Variants in CNIH3 observed in about 807,000 individuals in gnomAD.
CNIH3 encodes the protein cornichon family AMPA receptor auxiliary protein 3, also known as protein cornichon homolog 3.
In CNIH3, 14 loss-of-function variants were observed where a neutral mutation model predicts 24.1. That is an observed-to-expected ratio of 0.58 (90% CI 0.38 to 0.91). CNIH3 has a LOEUF of 0.91. Among genes scored for constraint, CNIH3 ranks in the 40% least tolerant of loss-of-function variants. The pLI is 0.00. For synonymous variants in CNIH3, 68 were observed against 73.8 expected, an observed-to-expected ratio of 0.92 and a Z score of 0.40; for missense variants, 178 against 196.8, an observed-to-expected ratio of 0.90 and a Z score of 0.57.
chr1:224,440,665 T>C (rs557786551), intron 1 of CNIH3, among the ~76,000 whole-genome samples: 16 of 152,332 alleles, frequency 1.1e-4, no homozygotes, highest in African/African-American at 3.8e-4. Flanking sequence ...AATTTATGTA[T>C]ATATGCACAT....
chr1:224,739,295 C>CTTTTTTTTTTTTTTTTTTT lies in CNIH3; in HGVS notation c.456-27_456-9dup. The CTTTTTTTTTTTTTTTTTTT allele has an allele frequency of 2.2e-6, 3 of 1,341,928 alleles. 1 individual carries two copies. The highest frequency in any genetic ancestry group is 2.9e-5 in the East Asian group (1 of 34,626). The allele number at this position is 1,341,928 out of a possible 1,614,324, so 83.1% of individuals were successfully genotyped here. ...TGGGCTTCTACTAACACCTTCCTCTCTTTTTTTTTTTTTTTTTTTTTTTTT... is the reference window on the plus strand; with the variant it reads ...TGGGCTTCTACTAACACCTTCCTCTCTTTTTTTTTTTTTTTTTTTTTTTTTTTTTTTTTTTTTTTTTTTT... On this transcript the variant is annotated intron_variant, in intron 5 of 5. Transcript: ENST00000272133.
At chr1:224,652,417 G>A (rs1206769259) in intron 1 of CNIH3, among the ~76,000 whole-genome samples, 1 of 152,144 alleles carries the variant, frequency 6.6e-6, no homozygotes, top group Non-Finnish European at 1.5e-5. Context: ...TAGCGGTAGG[G>A]AAGTGCTATT....
chr1:224,624,070 G>T (rs1489760161), intron 1 of CNIH3, among the ~76,000 whole-genome samples: 1 of 152,222 alleles, frequency 6.6e-6, no homozygotes, highest in Non-Finnish European at 1.5e-5. Flanking sequence ...GAATTGGCAA[G>T]TGTCAGCATT....
chr1:224,703,016 G>A lies in CNIH3; in HGVS notation c.198+18173G>A, dbSNP rs1687585913. ...CCTCATCATTGAATTGGAAACTCAG[G>A]AGGTGAGGTTAGGGCCTCAGCATTT... is the stretch of plus-strand genomic sequence containing the variant. On this transcript the variant is annotated intron_variant, in intron 3 of 5. Coordinates refer to ENST00000272133, the MANE Select transcript of CNIH3 (RefSeq NM_152495.2). This position sits in a 1 kb window ranked among gnomAD's most constrained non-coding sequence, Gnocchi z 4.2. Among the ~76,000 whole-genome samples the A allele has an allele frequency of 6.6e-6, 1 of 152,154 alleles. No homozygotes were observed. The highest frequency in any genetic ancestry group is 1.5e-5 in the Non-Finnish European group (1 of 68,020).
At chr1:224,681,705 G>A (rs1686412226) in intron 2 of CNIH3, among the ~76,000 whole-genome samples, 3 of 152,168 alleles carry the variant, frequency 2.0e-5, no homozygotes, top group Admixed American at 2.0e-4. Context: ...TGGATGCTGG[G>A]TGGGGACAGG....
chr1:224,542,747 C>T (rs1371845651), intron 2 of CNIH3, among the ~76,000 whole-genome samples: 1 of 152,160 alleles, frequency 6.6e-6, no homozygotes, highest in East Asian at 1.9e-4. Context: ...AGTTAGAATG[C>T]CACTGTAAGC....
rs138883614 is a variant in CNIH3, at chr1:224,626,394, A to C, written c.81+9139A>C. On this transcript the variant is annotated intron_variant, in intron 1 of 5. Coordinates refer to ENST00000272133, the MANE Select transcript of CNIH3 (RefSeq NM_152495.2). ...TGAACTGGTTTCTGAATACAAATCC[A>C]GGGCATAATGATCAGACTCGCAAAT... 1.3e-3 allele frequency among the ~76,000 whole-genome samples: 193 copies of C among 152,358 alleles called. 1 individual carries two copies. The highest frequency in any genetic ancestry group is 4.5e-3 in the African/African-American group (188 of 41,590).
downstream of CNIH3, among the ~76,000 whole-genome samples, chr1:224,537,833 T>A (rs566420828): frequency 1.1e-4 from 16 of 152,208 alleles, no homozygotes; most frequent in Non-Finnish European, 2.1e-4. Context: ...TAACTGATAG[T>A]GTGTGACTAT....
At chr1:224,699,826 C>T (rs927787511) in intron 3 of CNIH3, among the ~76,000 whole-genome samples, 4 of 152,178 alleles carry the variant, frequency 2.6e-5, no homozygotes, top group Non-Finnish European at 4.4e-5. Flanking sequence ...ATGCACTGCA[C>T]AGGGGATTGA....
chr1:224,722,424 G>A (rs533637004), intron 3 of CNIH3, among the ~76,000 whole-genome samples: 16 of 152,144 alleles, frequency 1.1e-4, no homozygotes, highest in Non-Finnish European at 2.2e-4. Context: ...TCTATTTTGG[G>A]AATCAGTCAC....
At chr1:224,447,686 C>T (rs76025540) in intron 1 of CNIH3, among the ~76,000 whole-genome samples, 3 of 152,340 alleles carry the variant, frequency 2.0e-5, no homozygotes, top group East Asian at 3.9e-4. Context: ...TAATAAACCC[C>T]CATTGCTTTG....
chr1:224,637,702 C>T (rs970306578), intron 1 of CNIH3, among the ~76,000 whole-genome samples: 1 of 152,168 alleles, frequency 6.6e-6, no homozygotes, highest in East Asian at 1.9e-4. Context: ...TGGCCAGTTG[C>T]GGTCTTGTTG....
At chr1:224,436,348 G>A (rs1674666395) in intron 1 of CNIH3, among the ~76,000 whole-genome samples, 1 of 152,100 alleles carries the variant, frequency 6.6e-6, no homozygotes, top group South Asian at 2.1e-4. Flanking sequence ...TATTAAAAGT[G>A]TTGTTTAGGC....
chr1:224,660,293 C>T (rs1235142210), intron 1 of CNIH3, among the ~76,000 whole-genome samples: 2 of 152,140 alleles, frequency 1.3e-5, no homozygotes, highest in Admixed American at 1.3e-4. Context: ...TCTCGTGAGA[C>T]TTACTCACTA....
chr1:224,713,455 T>C (rs568175268), intron 3 of CNIH3, among the ~76,000 whole-genome samples: 76 of 152,286 alleles, frequency 5.0e-4, no homozygotes, highest in South Asian at 2.1e-3. Flanking sequence ...GTACCAGAGG[T>C]CAGGGCTGCA....
chr1:224,720,601 G>A (rs961324691), intron 3 of CNIH3, among the ~76,000 whole-genome samples: 5 of 152,108 alleles, frequency 3.3e-5, no homozygotes, highest in Admixed American at 6.6e-5. Flanking sequence ...AATTCCCATC[G>A]AGCTCTAGGC....
At chr1:224,444,090 T>A (rs958044003) in intron 1 of CNIH3, among the ~76,000 whole-genome samples, 1 of 152,202 alleles carries the variant, frequency 6.6e-6, no homozygotes, top group African/African-American at 2.4e-5. Flanking sequence ...TCTATGCTTG[T>A]GTTATCTGTC....
rs181601200 is a variant in CNIH3, at chr1:224,493,636, A to G, written n.204-22105A>G. ...TTTATCAAAGTGACTTGTTTCAGTT[A>G]CAGTAAAAAGTATTGGAATTTGGGG... is the stretch of plus-strand genomic sequence containing the variant. On this transcript the variant is annotated intron_variant and non_coding_transcript_variant, in intron 1 of 5. Transcript: ENST00000471578. 2.6e-3 allele frequency among the ~76,000 whole-genome samples: 392 copies of G among 152,344 alleles called. 2 individuals are homozygous for G. Among genetic ancestry groups the G allele is most frequent in the Non-Finnish European group, 2.7e-3 (187 of 68,030 alleles).
intron 1 of CNIH3, among the ~76,000 whole-genome samples, chr1:224,499,376 C>G: frequency 6.6e-6 from 1 of 152,144 alleles, no homozygotes; most frequent in East Asian, 1.9e-4. Context: ...CTCTTCCCCA[C>G]TCCAGGCCAT....
Sources: allele counts gnomAD v4.1 joint callset (sites outside exome capture counted in the v4.1 genomes callset), GRCh38; gene constraint gnomAD v4.1.1; non-coding constraint Gnocchi (gnomAD v3.1); transcripts MANE v1.5; gene names NCBI Gene and HGNC (gene_info 2026-07-23, HGNC 2026-07-21).